Variants in DAAM1 observed in about 807,000 individuals in gnomAD.
The protein encoded by DAAM1 is dishevelled associated activator of morphogenesis 1.
Under a neutral mutation model 130.0 loss-of-function variants are expected in DAAM1, and 52 were observed. The ratio of observed to expected loss-of-function variants is 0.40; its 90% CI spans 0.32 to 0.50. The LOEUF (loss-of-function observed/expected upper bound fraction) is 0.50. Ranked by LOEUF, DAAM1 falls within the 20% of genes least tolerant of loss-of-function variation. The pLI is 0.61. For missense variants in DAAM1, 1,134 were observed against 1,303.8 expected (o/e 0.87, Z 2.01); for synonymous variants, 452 against 444.5 (o/e 1.02, Z -0.21).
At position 59,371,141 on chromosome 14, in the gene DAAM1, G is replaced by T. The variant is rs889525314; in HGVS notation, c.*2282G>T. 1 of 150,994 alleles carries T rather than the reference G, an allele frequency of 6.6e-6. No individual in the cohort carries two copies. The highest frequency in any genetic ancestry group is 2.4e-5 in the African/African-American group (1 of 41,208). The allele number at this position is 150,994 out of a possible 1,614,324, so 9.4% of individuals were successfully genotyped here. A position where few individuals can be genotyped will look rare whatever the true frequency, so the allele number is the denominator to read the frequency against. On this transcript the variant is annotated 3_prime_UTR_variant, in exon 25 of 25. Transcript: ENST00000360909. ...AAAACCTACTTTTTAGATTGGTGCTGGTGTAAGTAGCCACTTTTCTCTCTT... is the reference window on the plus strand; with the variant it reads ...AAAACCTACTTTTTAGATTGGTGCTTGTGTAAGTAGCCACTTTTCTCTCTT...
chr14:59,247,105 A>C (rs1368078170), intron 1 of DAAM1, among the ~76,000 whole-genome samples: 1 of 152,138 alleles, frequency 6.6e-6, no homozygotes, highest in Admixed American at 6.5e-5. Flanking sequence ...ATTCTTTTGC[A>C]TGCAGATATT....
At chr14:59,246,835 G>A (rs931416300) in intron 1 of DAAM1, among the ~76,000 whole-genome samples, 1 of 152,080 alleles carries the variant, frequency 6.6e-6, no homozygotes, top group African/African-American at 2.4e-5. Flanking sequence ...TACGCATGTT[G>A]GTCATTTGTA....
chr14:59,317,585 T>A (rs1884838929), intron 4 of DAAM1, among the ~76,000 whole-genome samples: 1 of 152,164 alleles, frequency 6.6e-6, no homozygotes, highest in South Asian at 2.1e-4. Flanking sequence ...TTTGTCCACA[T>A]TGTCATCACC....
chr14:59,359,502 AAAGT>A lies in DAAM1; in HGVS notation c.2633+4_2633+7del. On this transcript the variant is annotated splice_donor_variant and coding_sequence_variant, in exon 21 of 25. Transcript: ENST00000360909. LOFTEE classifies it high-confidence loss of function. ...GAGATATTCCTCAAGCTGCGAAAGT[AAAGT>A]AAGTACTTACAGTGAGTGTTAGTTT... is the stretch of plus-strand genomic sequence containing the variant. 1.2e-6 allele frequency: 2 copies of A among 1,610,170 alleles called. No individual in the cohort carries two copies. Among genetic ancestry groups the A allele is most frequent in the Non-Finnish European group, 1.7e-6 (2 of 1,176,554 alleles).
At chr14:59,324,941 C>T (rs1156370172) in intron 8 of DAAM1, among the ~76,000 whole-genome samples, 3 of 152,206 alleles carry the variant, frequency 2.0e-5, no homozygotes, top group Non-Finnish European at 4.4e-5. Flanking sequence ...TGAGTCTAAG[C>T]TATCCCAACT....
chr14:59,240,464 A>G (rs1881054614), intron 1 of DAAM1, among the ~76,000 whole-genome samples: 1 of 152,106 alleles, frequency 6.6e-6, no homozygotes, highest in Non-Finnish European at 1.5e-5. Flanking sequence ...AAGGGGAAAA[A>G]AGTTCATTGA....
chr14:59,230,888 A>G (rs978949653), intron 1 of DAAM1, among the ~76,000 whole-genome samples: 1 of 152,166 alleles, frequency 6.6e-6, no homozygotes, highest in African/African-American at 2.4e-5. Context: ...TTAAAAATAA[A>G]AAGTTTGTAA....
intron 5 of DAAM1, among the ~76,000 whole-genome samples, chr14:59,322,599 G>A (rs928107118): frequency 5.3e-5 from 8 of 152,044 alleles, no homozygotes; most frequent in African/African-American, 1.2e-4. Flanking sequence ...TATGTATTCC[G>A]AGTATTCTCT....
chr14:59,327,174 T>A (rs1455866490), intron 12 of DAAM1, among the ~76,000 whole-genome samples, 183 bp downstream of exon 12: 3 of 152,190 alleles, frequency 2.0e-5, no homozygotes, highest in African/African-American at 7.2e-5. Context: ...GTTGTCATAC[T>A]GATTCTCAAA....
chr14:59,365,098 C>T (rs2139691232), intron 23 of DAAM1, among the ~76,000 whole-genome samples: 2 of 151,712 alleles, frequency 1.3e-5, no homozygotes, highest in South Asian at 4.1e-4. Context: ...CAGTAGCCAG[C>T]ATCGCGCTTC....
At chr14:59,247,372 T>G (rs1881435039) in intron 1 of DAAM1, among the ~76,000 whole-genome samples, 1 of 152,204 alleles carries the variant, frequency 6.6e-6, no homozygotes, top group Non-Finnish European at 1.5e-5. Context: ...CTATTCAAAA[T>G]CCTTGAGATT....
chr14:59,323,268 G>A (rs757790150), intron 6 of DAAM1, 43 bp downstream of exon 6: 34 of 1,518,042 alleles, frequency 2.2e-5, no homozygotes, highest in Non-Finnish European at 2.9e-5. Context: ...CTTCTTTAAA[G>A]TCTGCTCAAA....
In DAAM1 at chr14:59,326,580, G is replaced by T; in HGVS notation, c.1245G>T (p.Gln415His). 6.2e-7 allele frequency: 1 copy of T among 1,613,894 alleles called. No homozygotes were observed. The highest frequency in any genetic ancestry group is 8.5e-7 in the Non-Finnish European group (1 of 1,179,936). The part of the protein sequence containing the change: ...LDRIIQQIVI[Q>H]NDKGQDPDST... ...GAATTATACAGCAGATAGTTATCCA[G>T]AATGACAAAGGACAGGACCCTGACT... is the stretch of plus-strand genomic sequence containing the variant. The change falls in exon 11 of 25, where the codon CAG (glutamine) becomes CAT (histidine). Residue 415 changes from glutamine to histidine, a missense_variant. Physicochemically the swap from Gln to His is conservative, Grantham distance 24 (BLOSUM62 0). This residue lies in a region of DAAM1 where 391 missense variants were observed against 521.6 expected (regional missense o/e 0.75). Transcript: ENST00000360909.
intron 1 of DAAM1, among the ~76,000 whole-genome samples, chr14:59,228,053 A>T (rs1888994814): frequency 6.6e-6 from 1 of 152,140 alleles, no homozygotes; most frequent in African/African-American, 2.4e-5. Flanking sequence ...TTTTTTGAAG[A>T]AGTCCTGGAA....
intron 2 of DAAM1, 66 bp downstream of exon 2, chr14:59,263,726 AATGAGT>A (rs1882293661): frequency 6.2e-7 from 1 of 1,603,576 alleles, no homozygotes; most frequent in South Asian, 1.1e-5. Context: ...AGAGGATGTG[AATGAGT>A]TGGTTTGGTT....
At chr14:59,248,823 G>A (rs768094367) in intron 1 of DAAM1, among the ~76,000 whole-genome samples, 245 of 152,018 alleles carry the variant, frequency 1.6e-3, no homozygotes, top group Non-Finnish European at 2.8e-3. Context: ...TCGCTCTGTC[G>A]CCCAGGCTGG....
At chr14:59,322,825 C>G in intron 5 of DAAM1, 67 bp from the exon 6 acceptor site, 1 of 1,332,088 alleles carries the variant, frequency 7.5e-7, no homozygotes, top group East Asian at 2.3e-5. Context: ...GCCCTCTAGA[C>G]TTTTCTGTTA....
At chr14:59,218,854 A>G (rs1888674409) in intron 1 of DAAM1, among the ~76,000 whole-genome samples, 1 of 152,178 alleles carries the variant, frequency 6.6e-6, no homozygotes. Flanking sequence ...AAATACAAGA[A>G]TGGAGCACAA....
At chr14:59,311,158 A>G (rs1361275877) in intron 3 of DAAM1, among the ~76,000 whole-genome samples, 1 of 152,236 alleles carries the variant, frequency 6.6e-6, no homozygotes, top group South Asian at 2.1e-4. Flanking sequence ...AATTTTTGTC[A>G]CACAAATTTC....
Sources: allele counts gnomAD v4.1 joint callset (sites outside exome capture counted in the v4.1 genomes callset), GRCh38; gene constraint gnomAD v4.1.1; regional missense constraint gnomAD v4.1.1; transcripts MANE v1.5; gene names NCBI Gene and HGNC (gene_info 2026-07-23, HGNC 2026-07-21).